ARID2: variants seen among roughly 807,000 people sequenced by gnomAD.
ARID2 encodes AT-rich interactive domain-containing protein 2.
In ARID2, 32 loss-of-function variants were observed where a neutral mutation model predicts 184.6. That is an observed-to-expected ratio of 0.17 (90% CI 0.13 to 0.23). ARID2 has a LOEUF of 0.23. ARID2 is among the 10% of genes least tolerant of loss of function. The pLI is 1.00. For missense variants in ARID2, 1,696 were observed against 2,197.6 expected, an observed-to-expected ratio of 0.77 and a Z score of 4.56; for synonymous variants, 836 against 772.6, an observed-to-expected ratio of 1.08 and a Z score of -1.36.
chr12:45,819,251 C>G (rs12297214), intron 5 of ARID2, among the ~76,000 whole-genome samples: 14,223 of 152,054 alleles, frequency 0.094, 2,264 homozygotes, highest in African/African-American at 0.32. Context: ...TAAGACAAGA[C>G]CTTGTTTAGA....
intron 4 of ARID2, among the ~76,000 whole-genome samples, chr12:45,816,172 C>T (rs1294505056): frequency 3.3e-5 from 5 of 151,984 alleles, no homozygotes; most frequent in East Asian, 3.9e-4. Flanking sequence ...TCTGTAAGCC[C>T]GTTTTATCCC....
At chr12:45,752,059 G>C (rs1002573467) in intron 3 of ARID2, among the ~76,000 whole-genome samples, 7 of 152,072 alleles carry the variant, frequency 4.6e-5, no homozygotes, top group Non-Finnish European at 8.8e-5. Context: ...AACCCATTAG[G>C]TGCCAAGTTT....
intron 3 of ARID2, among the ~76,000 whole-genome samples, chr12:45,757,552 G>A (rs117358133): frequency 0.012 from 1,776 of 152,218 alleles, 26 homozygotes; most frequent in South Asian, 0.049. Context: ...TCTAGTTCTG[G>A]GATGATTGAT....
chr12:45,795,678 C>T (rs1208827464), intron 3 of ARID2, among the ~76,000 whole-genome samples: 5 of 148,996 alleles, frequency 3.4e-5, no homozygotes, highest in African/African-American at 7.4e-5. Context: ...CCTCGTGATC[C>T]GCCCGCCTTG....
chr12:45,905,195 C>T lies in ARID2; in HGVS notation c.*117C>T. ...GACCATAGAATGAATTATTTTATCT[C>T]CTCCCATGATGCTGAGAGGAAGCTT... On this transcript the variant is annotated 3_prime_UTR_variant, in exon 21 of 21. Transcript: ENST00000334344. 6.7e-6 allele frequency: 7 copies of T among 1,037,756 alleles called. No individual in the cohort carries two copies. The highest frequency in any genetic ancestry group is 2.7e-5 in the East Asian group (1 of 36,676). 64.3% of individuals were successfully genotyped at this position (1,037,756 alleles called of 1,614,324 possible). A position where few individuals can be genotyped will look rare whatever the true frequency, so the allele number is the denominator to read the frequency against.
chr12:45,788,209 A>G (rs187151996), intron 3 of ARID2, among the ~76,000 whole-genome samples: 169 of 152,282 alleles, frequency 1.1e-3, no homozygotes, highest in African/African-American at 3.9e-3. Context: ...ATTAATTGAT[A>G]ATTATTGATG....
At chr12:45,830,501 G>A (rs776485956) in intron 6 of ARID2, among the ~76,000 whole-genome samples, 8 of 152,038 alleles carry the variant, frequency 5.3e-5, no homozygotes, top group Admixed American at 2.6e-4. Context: ...GAAGGTATTA[G>A]ATCTTCAAAG....
intron 20 of ARID2, among the ~76,000 whole-genome samples, chr12:45,896,536 CTT>C (rs746646308): frequency 1.4e-4 from 21 of 152,278 alleles, no homozygotes; most frequent in Admixed American, 4.6e-4. Flanking sequence ...CAAAAGCTCT[CTT>C]GTTTGCCACC....
At chr12:45,805,414 G>C (rs1189638995) in intron 3 of ARID2, among the ~76,000 whole-genome samples, 1 of 151,994 alleles carries the variant, frequency 6.6e-6, no homozygotes, top group Non-Finnish European at 1.5e-5. Flanking sequence ...ATGTGGAAAA[G>C]TTCTTGAAAA....
At position 45,770,248 on chromosome 12, in the gene ARID2, A is replaced by G. The variant is rs544649364; in HGVS notation, c.284+38934A>G. 7.9e-5 allele frequency among the ~76,000 whole-genome samples: 12 copies of G among 151,928 alleles called. 3 individuals are homozygous for G. The highest frequency in any genetic ancestry group is 2.9e-4 in the African/African-American group (12 of 41,460). On this transcript the variant is annotated intron_variant, in intron 3 of 20. Coordinates refer to ENST00000334344, the MANE Select transcript of ARID2 (RefSeq NM_152641.4). ...AGCCTGGGCGACAGAGCGAGACTCC[A>G]TCTCAAAAAAAAAAACAAAAAACAA...
At position 45,810,696 on chromosome 12, in the gene ARID2, C is replaced by T. The variant is rs150982555; in HGVS notation, c.285-722C>T. ...CTCAGAAAATATACTCAGGTTTGCA[C>T]ATGAACCTGTTGTTATTGCTGATAA... On this transcript the variant is annotated intron_variant, in intron 3 of 20. Transcript: ENST00000334344. Among the ~76,000 whole-genome samples the T allele has an allele frequency of 2.0e-3, 303 of 152,234 alleles. 4 individuals are homozygous for T. Among genetic ancestry groups the T allele is most frequent in the Non-Finnish European group, 2.9e-4 (20 of 67,994 alleles).
rs762887418 is a variant in ARID2, at chr12:45,891,823, G to A, written c.4966G>A (p.Glu1656Lys). Reference sequence around the variant, plus strand: ...ACAGGTTTTCTACCATGCAGCAACTGAACATGGAGGAAAAGATGTATATCC... The same window carrying A: ...ACAGGTTTTCTACCATGCAGCAACTAAACATGGAGGAAAAGATGTATATCC... ...PSQVFYHAAT[E>K]HGGKDVYPGQ... Residue 1656 changes from glutamate to lysine, a missense_variant, in exon 17 of 21, where the codon GAA becomes AAA. Around this residue, in one of 11 missense-constraint regions of ARID2, gnomAD observed 16 missense variants for 50.3 expected, o/e 0.32. Transcript: ENST00000334344. 6.2e-7 allele frequency: 1 copy of A among 1,614,146 alleles called. No homozygotes were observed. Among genetic ancestry groups the A allele is most frequent in the Non-Finnish European group, 8.5e-7 (1 of 1,180,010 alleles).
intron 3 of ARID2, chr12:45,789,518 A>C (rs1283909248): frequency 6.6e-6 from 1 of 152,156 alleles, no homozygotes; most frequent in East Asian, 1.9e-4. Context: ...ATGCTTGAGG[A>C]TAATATGTAT....
At chr12:45,894,991 C>T (rs1186024926) in intron 20 of ARID2, among the ~76,000 whole-genome samples, 1 of 152,126 alleles carries the variant, frequency 6.6e-6, no homozygotes, top group Non-Finnish European at 1.5e-5. Context: ...CCTGCGTTGC[C>T]CACCTATTGA....
chr12:45,774,154 TAAAA>T (rs1057072448), intron 3 of ARID2, among the ~76,000 whole-genome samples: 1 of 152,182 alleles, frequency 6.6e-6, no homozygotes, highest in African/African-American at 2.4e-5. Flanking sequence ...AAATTTTAAA[TAAAA>T]TGTTTAAAGT....
chr12:45,760,452 T>G (rs987811271), intron 3 of ARID2, among the ~76,000 whole-genome samples: 2 of 152,226 alleles, frequency 1.3e-5, no homozygotes, highest in Non-Finnish European at 2.9e-5. Context: ...ATTGTTAATC[T>G]CTTTTGCACA....
At chr12:45,739,204 C>T (rs1941196695) in intron 3 of ARID2, among the ~76,000 whole-genome samples, 2 of 152,076 alleles carry the variant, frequency 1.3e-5, no homozygotes, top group African/African-American at 4.8e-5. Flanking sequence ...GTCTCAAACT[C>T]CTGACCTCAG....
chr12:45,807,827 T>G (rs146650559), intron 3 of ARID2, among the ~76,000 whole-genome samples: 1 of 152,290 alleles, frequency 6.6e-6, no homozygotes, highest in Admixed American at 6.5e-5. Context: ...AAGTCTTCTG[T>G]AACCTAATTT....
At chr12:45,896,009 G>A (rs1364395700) in intron 20 of ARID2, among the ~76,000 whole-genome samples, 3 of 152,228 alleles carry the variant, frequency 2.0e-5, no homozygotes, top group South Asian at 2.1e-4. Context: ...TAGGTGAGAT[G>A]TCAGTACTAC....
Sources: allele counts gnomAD v4.1 joint callset (sites outside exome capture counted in the v4.1 genomes callset), GRCh38; gene constraint gnomAD v4.1.1; regional missense constraint gnomAD v4.1.1; transcripts MANE v1.5; gene names NCBI Gene and HGNC (gene_info 2026-07-23, HGNC 2026-07-21).